C6orf136: variants seen among roughly 807,000 people sequenced by gnomAD.
C6orf136 encodes uncharacterized protein C6orf136.
In C6orf136, 29 loss-of-function variants were observed where a neutral mutation model predicts 44.0. That is an observed-to-expected ratio of 0.66 (90% confidence interval 0.49 to 0.90). The LOEUF (loss-of-function observed/expected upper bound fraction) is 0.90, where lower values mean the gene tolerates loss of function less well. Among genes scored for constraint, C6orf136 ranks in the 40% least tolerant of loss-of-function variants. The probability of loss-of-function intolerance (pLI) is 0.00; values close to 1 mark genes in which losing one functional copy is unlikely to be tolerated. For missense variants in C6orf136, 628 were observed against 669.3 expected (o/e 0.94, Z 0.68); for synonymous variants, 293 against 278.6 (o/e 1.05, Z -0.52).
intron 2 of C6orf136, 68 bp from the exon 3 acceptor site, chr6:30,650,926 A>T (rs569047856): frequency 7.7e-7 from 1 of 1,306,906 alleles, no homozygotes. Flanking sequence ...AAAAAAAAAA[A>T]TTAGAAAACT....
At position 30,647,318 on chromosome 6, in the gene C6orf136, AGAGG is replaced by A. The variant is rs1561946205; in HGVS notation, c.96_99del (p.Arg33GlufsTer42). The A allele has an allele frequency of 1.3e-6, 2 of 1,590,014 alleles. No homozygotes were observed. Among genetic ancestry groups the A allele is most frequent in the East Asian group, 2.3e-5 (1 of 43,068 alleles). ...CTCGACCCCAGGTGAGCGGAGGAGA[AGAGG>A]GAGGGAGGAGAGGGGGCGGGGAGAG... On this transcript the variant is annotated frameshift_variant, in exon 1 of 6. Transcript: ENST00000651131. LOFTEE classifies it high-confidence loss of function. This position sits in a 1 kb window ranked among gnomAD's most constrained non-coding sequence, Gnocchi z 4.8.
chr6:30,652,977 G>A lies in C6orf136; in HGVS notation c.*62G>A. 3 of 1,460,088 alleles carry A rather than the reference G, an allele frequency of 2.1e-6. No individual in the cohort carries two copies. In the South Asian group the frequency reaches 3.4e-5, roughly 17 times the overall value. 90.4% of individuals were successfully genotyped at this position (1,460,088 alleles called of 1,614,324 possible). On this transcript the variant is annotated 3_prime_UTR_variant, in exon 6 of 6. Transcript: ENST00000651131. ...CTACGCCCAAGAGAAGGAGGTGGAG[G>A]CAGCCAAGAATCTCAGGAGCCAGCT...
chr6:30,650,550 C>T (rs1170138119), intron 2 of C6orf136, among the ~76,000 whole-genome samples: 1 of 150,580 alleles, frequency 6.6e-6, no homozygotes, highest in Non-Finnish European at 1.5e-5. Flanking sequence ...TTTGGGAGGC[C>T]GAGGCAGGCG....
chr6:30,650,775 T>TC (rs1339026976), intron 2 of C6orf136, among the ~76,000 whole-genome samples: 2 of 140,550 alleles, frequency 1.4e-5, no homozygotes, highest in Admixed American at 1.5e-4. Context: ...AGAGCTAGAC[T>TC]CCATCTCAAG....
rs777552786 is a variant in C6orf136 at position 30,651,391 on chromosome 6, G to A, written c.1232G>A (p.Arg411Gln). The A allele has an allele frequency of 1.5e-5, 24 of 1,613,590 alleles. No individual in the cohort carries two copies. In the South Asian group the frequency reaches 2.2e-4, roughly 15 times the overall value. ...CCTGAGAACTGGACCCTGCAAGCCC[G>A]GTGGCGGCTTGTGGGGCTGCCCGTC... ...RHPENWTLQA[R>Q]WRLVGLPVHL... Residue 411 changes from arginine (R) to glutamine (Q), a missense_variant, in exon 4 of 6, where the codon CGG becomes CAG. By Grantham distance (43) the Arg-to-Gln change is conservative. Transcript: ENST00000651131.
chr6:30,649,906 G>C lies in C6orf136; in HGVS notation c.964G>C (p.Asp322His), dbSNP rs1342893362. 1.2e-6 allele frequency: 2 copies of C among 1,613,996 alleles called. No individual in the cohort carries two copies. Among genetic ancestry groups the C allele is most frequent in the Admixed American group, 1.7e-5 (1 of 60,008 alleles). ...AHPSPATPSGDPSMEEHLSVM... is the reference protein window; with the variant it reads ...AHPSPATPSGHPSMEEHLSVM... ...CCCTTCCCCTGCCACCCCGTCAGGAGATCCTAGTATGGAGGAACATCTGTC... is the reference window on the plus strand; with the variant it reads ...CCCTTCCCCTGCCACCCCGTCAGGACATCCTAGTATGGAGGAACATCTGTC... The change falls in exon 2 of 6, where the codon GAT becomes CAT. Residue 322 changes from aspartate to histidine, a missense_variant. By Grantham distance (81) the Asp-to-His change is moderately conservative. Coordinates refer to ENST00000651131, the MANE Select transcript of C6orf136 (RefSeq NM_001161376.2).
Position 30,652,814 on chromosome 6 carries a change from C to A in C6orf136, c.1390C>A (p.His464Asn), listed in dbSNP as rs1317549840. 6.2e-7 allele frequency: 1 copy of A among 1,612,996 alleles called. No homozygotes were observed. The highest frequency in any genetic ancestry group is 8.5e-7 in the Non-Finnish European group (1 of 1,180,054). Residue 464 changes from histidine (H) to asparagine (N), a missense_variant, in exon 6 of 6, where the codon CAC (histidine) becomes AAC (asparagine). By Grantham distance (68) the His-to-Asn change is moderately conservative. Transcript: ENST00000651131. ...RHRLDKLMPS[H>N]SPPTPVKKLL... is the part of the protein sequence containing the mutation. ...TTTCTCCCTGCAGCTGATGCCTTCA[C>A]ACTCACCTCCAACGCCTGTGAAGAA...
intron 2 of C6orf136, 140 bp downstream of exon 2, chr6:30,650,099 AATG>A: frequency 2.4e-6 from 2 of 830,300 alleles, no homozygotes; most frequent in Non-Finnish European, 3.7e-6. Context: ...TTCCTGAGAA[AATG>A]ATGTTCCAGC....
In C6orf136 at chr6:30,650,906, C is replaced by T. The variant is rs146568183; in HGVS notation, c.1018-88C>T. ...CAGCCTGGGCGACAGAGCTAGACTC[C>T]GTCTCAAAAAAAAAAAAAAATTAGA... is the stretch of plus-strand genomic sequence containing the variant. On this transcript the variant is annotated intron_variant, in intron 2 of 5. Transcript: ENST00000651131. 2.0e-3 allele frequency: 1,889 copies of T among 965,208 alleles called. 21 individuals carry two copies. The African/African-American group carries it at 0.024, about 12-fold the overall frequency. 59.8% of individuals were successfully genotyped at this position (965,208 alleles called of 1,614,324 possible).
intron 4 of C6orf136, among the ~76,000 whole-genome samples, chr6:30,652,238 G>A (rs1767488859): frequency 1.1e-5 from 1 of 89,154 alleles, no homozygotes; most frequent in South Asian, 5.2e-4. Context: ...GTGAAACCCT[G>A]TCACACACAC....
intron 3 of C6orf136, 70 bp downstream of exon 3, chr6:30,651,152 A>G (rs1767368467): frequency 5.1e-6 from 8 of 1,566,930 alleles, no homozygotes; most frequent in Admixed American, 1.7e-5. Flanking sequence ...GACCCTTTTC[A>G]CTTCCCAGAG....
Position 30,647,723 on chromosome 6 carries a change from C to G in C6orf136, c.492C>G (p.Leu164=). ...CTCAGCAGCCCGCCCGTCTTGCACT[C>G]GGAGAGCGGTCCTGGCAGGAAGGCC... ...GRPQQPARLA[L]GERSWQEGRP... Residue 164 remains leucine (L), a synonymous_variant, in exon 1 of 6, where the codon CTC becomes CTG. Coordinates refer to ENST00000651131, the MANE Select transcript of C6orf136 (RefSeq NM_001161376.2). The surrounding 1 kb of genome is among the most constrained non-coding windows in gnomAD (Gnocchi z 4.8). The G allele has an allele frequency of 6.5e-7, 1 of 1,549,984 alleles. No individual in the cohort carries two copies. Among genetic ancestry groups the G allele is most frequent in the South Asian group, 1.2e-5 (1 of 84,020 alleles).
chr6:30,647,370 G>T lies in C6orf136; in HGVS notation c.139G>T (p.Gly47Trp). 6.6e-7 allele frequency: 1 copy of T among 1,506,566 alleles called. No homozygotes were observed. The allele number at this position is 1,506,566 out of a possible 1,614,324, so 93.3% of individuals were successfully genotyped here. Reference protein sequence around the residue: ...GERPSSKPVRGAERALGSAQA... With the variant: ...GERPSSKPVRWAERALGSAQA... Reference sequence around the variant, plus strand: ...GAGACCCTCCTCAAAGCCGGTGCGTGGGGCGGAGCGCGCGCTGGGTTCCGC... The same window carrying T: ...GAGACCCTCCTCAAAGCCGGTGCGTTGGGCGGAGCGCGCGCTGGGTTCCGC... The change falls in exon 1 of 6, where the codon GGG becomes TGG. Residue 47 changes from glycine (G) to tryptophan (W), a missense_variant. Physicochemically the swap from Gly to Trp is radical, Grantham distance 184. This residue lies in a region of C6orf136 where 497 missense variants were observed against 469.2 expected (regional missense o/e 1.06). Transcript: ENST00000651131. The surrounding 1 kb of genome is among the most constrained non-coding windows in gnomAD (Gnocchi z 4.8).
At position 30,653,081 on chromosome 6, in the gene C6orf136, TA is replaced by T. The variant is rs1295182408; in HGVS notation, c.*169del. On this transcript the variant is annotated 3_prime_UTR_variant, in exon 6 of 6. Transcript: ENST00000651131. ...GCTGTGTAATTTAACTTGTAAATAA[TA>T]AAGTTTAACTGACTATATGAGATAG... 1 of 1,093,850 alleles carries T rather than the reference TA, an allele frequency of 9.1e-7. No individual in the cohort carries two copies. The highest frequency in any genetic ancestry group is 1.6e-5 in the African/African-American group (1 of 62,738). 67.8% of individuals were successfully genotyped at this position (1,093,850 alleles called of 1,614,324 possible). A position where few individuals can be genotyped will look rare whatever the true frequency, so the allele number is the denominator to read the frequency against.
chr6:30,651,128 A>T (rs1767364624), intron 3 of C6orf136, 46 bp downstream of exon 3: 1 of 1,575,892 alleles, frequency 6.3e-7, no homozygotes, highest in Admixed American at 1.7e-5. Context: ...AAAAGCACCC[A>T]AAGGTATATA....
intron 3 of C6orf136, 53 bp downstream of exon 3, chr6:30,651,135 T>G (rs536061367): frequency 8.9e-6 from 14 of 1,564,422 alleles, no homozygotes; most frequent in Non-Finnish European, 9.7e-6. Flanking sequence ...CCCAAAGGTA[T>G]ATACATGACC....
At chr6:30,652,563 A>T in intron 4 of C6orf136, 85 bp from the exon 5 acceptor site, 2 of 1,219,810 alleles carry the variant, frequency 1.6e-6, no homozygotes, top group Non-Finnish European at 2.4e-6. Context: ...AGCAGAATTT[A>T]GGGACTACTC....
intron 4 of C6orf136, 51 bp downstream of exon 4, chr6:30,651,517 T>G (rs780957702): frequency 2.6e-6 from 4 of 1,565,588 alleles, no homozygotes; most frequent in Non-Finnish European, 3.5e-6. Context: ...CCTTTTTTTT[T>G]TTTTTTTGAG....
At chr6:30,651,538 ACT>A (rs1184981588) in intron 4 of C6orf136, 72 bp downstream of exon 4, 5 of 1,446,434 alleles carry the variant, frequency 3.5e-6, no homozygotes, top group Non-Finnish European at 4.7e-6. Flanking sequence ...ACGGAGTCTC[ACT>A]CTGTCACCCA....
Sources: gnomAD v4.1 joint callset for allele counts (sites outside exome capture counted in the v4.1 genomes callset) on GRCh38, gnomAD v4.1.1 for gene constraint, gnomAD v4.1.1 regional missense constraint, Gnocchi (gnomAD v3.1) non-coding constraint, MANE v1.5 for transcripts, NCBI Gene and HGNC (gene_info 2026-07-23, HGNC 2026-07-21) for gene names.